Variants in COL11A2 observed in about 807,000 individuals in gnomAD.
The protein encoded by COL11A2 is collagen alpha-2(XI) chain.
In COL11A2, 116 loss-of-function variants were observed where a neutral mutation model predicts 273.4. The observed-to-expected ratio is 0.42, with a 90% CI of 0.36 to 0.49. The LOEUF (loss-of-function observed/expected upper bound fraction) is 0.49. COL11A2 is among the 20% of genes least tolerant of loss of function. The pLI is 0.00. For missense variants in COL11A2, 1,866 were observed against 2,309.0 expected (o/e 0.81, Z 3.93); for synonymous variants, 782 against 864.2 (o/e 0.90, Z 1.67).
chr6:33,188,483 G>T lies in COL11A2; in HGVS notation c.485C>A (p.Thr162Asn). ...VAVAVKGQSVTLIVDCKKRVT... is the reference protein window; with the variant it reads ...VAVAVKGQSVNLIVDCKKRVT... ...TCGCTTCTTGCAGTCAACAATGAGG[G>T]TGACAGACTGGCCCTTCACAGCCAC... is the stretch of plus-strand genomic sequence containing the variant. The change falls in exon 4 of 66, where the codon ACC (threonine) becomes AAC (asparagine). Residue 162 changes from threonine to asparagine, a missense_variant. Thr to Asn is a moderately conservative substitution (Grantham distance 65, BLOSUM62 0). Transcript: ENST00000341947. 1 of 1,613,076 alleles carries T rather than the reference G, an allele frequency of 6.2e-7. No individual in the cohort carries two copies.
At position 33,190,228 on chromosome 6, in the gene COL11A2, G is replaced by A. The variant is rs1175925468; in HGVS notation, c.83-759C>T. Among the ~76,000 whole-genome samples the A allele has an allele frequency of 6.6e-6, 1 of 152,032 alleles. No individual in the cohort carries two copies. The highest frequency in any genetic ancestry group is 1.5e-5 in the Non-Finnish European group (1 of 67,992). ...GGAGGAATGGGGGGCAGGGGCTGAA[G>A]CTGCCACGAGGAGCCGGAACAGGTC... On this transcript the variant is annotated intron_variant, in intron 1 of 65. Transcript: ENST00000341947. The surrounding 1 kb of genome is among the most constrained non-coding windows in gnomAD (Gnocchi z 4.5).
intron 7 of COL11A2, 23 bp downstream of exon 7, chr6:33,184,969 G>A (rs1402886787): frequency 1.3e-6 from 2 of 1,548,076 alleles, no homozygotes; most frequent in Admixed American, 2.0e-5. Flanking sequence ...CCCAGATGGG[G>A]TGAGGGTGGG....
intron 4 of COL11A2, among the ~76,000 whole-genome samples, chr6:33,187,370 A>G (rs886185048): frequency 6.6e-6 from 1 of 152,094 alleles, no homozygotes; most frequent in Non-Finnish European, 1.5e-5. Flanking sequence ...TAATTTAGGG[A>G]TGTTGTCTCA....
chr6:33,186,462 T>C, intron 5 of COL11A2, 165 bp downstream of exon 5: 2 of 1,459,574 alleles, frequency 1.4e-6, no homozygotes, highest in Non-Finnish European at 1.8e-6. Flanking sequence ...TAACAACTCT[T>C]TTTATTTTTA....
At position 33,177,751 on chromosome 6, in the gene COL11A2, G is replaced by A. The variant is rs865998209; in HGVS notation, c.1873-45C>T. ...TGAGCAGCCTGAAGGTGGCCCGGAG[G>A]GACCTGTGGTTTTCAGAGGCCCGGC... On this transcript the variant is annotated intron_variant, in intron 21 of 65. Coordinates refer to ENST00000341947, the MANE Select transcript of COL11A2 (RefSeq NM_080680.3). The surrounding 1 kb of genome is among the most constrained non-coding windows in gnomAD (Gnocchi z 5.9). 1 of 1,610,994 alleles carries A rather than the reference G, an allele frequency of 6.2e-7. No homozygotes were observed. The highest frequency in any genetic ancestry group is 8.5e-7 in the Non-Finnish European group (1 of 1,178,466).
Position 33,163,852 on chromosome 6 carries a change from G to C in COL11A2, c.5071-34C>G. On this transcript the variant is annotated intron_variant, in intron 65 of 65. Coordinates refer to ENST00000341947, the MANE Select transcript of COL11A2 (RefSeq NM_080680.3). The surrounding 1 kb of genome is among the most constrained non-coding windows in gnomAD (Gnocchi z 4.1). Reference sequence around the variant, plus strand: ...GGAGACAAGGAAGAAAGTGTGAGCAGGATGGAGGCACCCCCCACCCTCTAA... The same window carrying C: ...GGAGACAAGGAAGAAAGTGTGAGCACGATGGAGGCACCCCCCACCCTCTAA... 1 of 1,612,822 alleles carries C rather than the reference G, an allele frequency of 6.2e-7. No individual in the cohort carries two copies. Among genetic ancestry groups the C allele is most frequent in the South Asian group, 1.1e-5 (1 of 91,062 alleles).
At position 33,167,572 on chromosome 6, in the gene COL11A2, G is replaced by A; in HGVS notation, c.4015-39C>T. 1 of 1,608,286 alleles carries A rather than the reference G, an allele frequency of 6.2e-7. No homozygotes were observed. The highest frequency in any genetic ancestry group is 2.2e-5 in the East Asian group (1 of 44,720). On this transcript the variant is annotated intron_variant, in intron 55 of 65. Transcript: ENST00000341947. This position sits in a 1 kb window ranked among gnomAD's most constrained non-coding sequence, Gnocchi z 6.1. ...AAGGAATGTGTCCTGAATGGCAGAGGAGTGGGGTGTGGGCAGGGGGCAGAG... is the reference window on the plus strand; with the variant it reads ...AAGGAATGTGTCCTGAATGGCAGAGAAGTGGGGTGTGGGCAGGGGGCAGAG...
Position 33,169,007 on chromosome 6 carries a change from C to G in COL11A2, c.3800G>C (p.Gly1267Ala). 1 of 1,607,434 alleles carries G rather than the reference C, an allele frequency of 6.2e-7. No individual in the cohort carries two copies. Among genetic ancestry groups the G allele is most frequent in the Non-Finnish European group, 8.5e-7 (1 of 1,177,214 alleles). ...TGDDGPKGNP[G>A]PVGFPGDPGP... ...AGGGTCACCAGGAAAACCAACAGGA[C>G]CCTGATCCAGATGGAGAATAAGAGT... is the stretch of plus-strand genomic sequence containing the variant. The change falls in exon 52 of 66, where the codon GGT (glycine) becomes GCT (alanine). Residue 1267 changes from glycine to alanine, a missense_variant and splice_region_variant. Coordinates refer to ENST00000341947, the MANE Select transcript of COL11A2 (RefSeq NM_080680.3). The surrounding 1 kb of genome is among the most constrained non-coding windows in gnomAD (Gnocchi z 5.5).
rs1337293103 is a variant in COL11A2 at position 33,171,729 on chromosome 6, C to T, written c.3134G>A (p.Gly1045Glu). The T allele has an allele frequency of 9.3e-6, 15 of 1,612,816 alleles. No individual in the cohort carries two copies. Among genetic ancestry groups the T allele is most frequent in the Admixed American group, 1.7e-5 (1 of 60,004 alleles). Residue 1045 changes from glycine (G) to glutamate (E), a missense_variant, in exon 42 of 66, where the codon GGA becomes GAA. Gly to Glu is a moderately conservative substitution (Grantham distance 98). Coordinates refer to ENST00000341947, the MANE Select transcript of COL11A2 (RefSeq NM_080680.3). ...PGPQGPPGAA[G>E]EKGVPGEKGP... is the part of the protein sequence containing the mutation. ...CACACTCACTGGGACACCTTTCTCT[C>T]CTGCTGCTCCAGGGGGACCCTGCGG...
At chr6:33,168,684 G>T in intron 53 of COL11A2, 22 bp downstream of exon 53, 1 of 1,589,572 alleles carries the variant, frequency 6.3e-7, no homozygotes. Context: ...TCAGGGGGGT[G>T]GTGGGGTCAC....
chr6:33,183,409 C>T (rs1488238482), intron 8 of COL11A2, among the ~76,000 whole-genome samples: 2 of 152,146 alleles, frequency 1.3e-5, no homozygotes, highest in Non-Finnish European at 2.9e-5. Flanking sequence ...GTGACTCCTG[C>T]AAAGGGAATC....
In COL11A2 at chr6:33,184,217, G is replaced by A; in HGVS notation, c.1047C>T (p.Gly349=). ...PPEGPYDYTY[G]YGDDYREETE... ...TCTCCTCACGATAATCATCCCCATA[G>A]CCATAGGTGTAATCGTAGGGCCCTT... Residue 349 remains glycine (G), a synonymous_variant, in exon 8 of 66, where the codon GGC becomes GGT. Transcript: ENST00000341947. 1 of 1,367,600 alleles carries A rather than the reference G, an allele frequency of 7.3e-7. No homozygotes were observed. Among genetic ancestry groups the A allele is most frequent in the Non-Finnish European group, 9.8e-7 (1 of 1,021,968 alleles). 84.7% of individuals were successfully genotyped at this position (1,367,600 alleles called of 1,614,324 possible). A position where few individuals can be genotyped will look rare whatever the true frequency, so the allele number is the denominator to read the frequency against.
Position 33,163,942 on chromosome 6 carries a change from A to T in COL11A2, c.5071-124T>A, listed in dbSNP as rs1768707649. The stretch of plus-strand genomic sequence containing the variant: ...CCCATCAGGGTGACTCAGGATGTAC[A>T]GACTGGCAGTGTCTATGTGCCCATG... On this transcript the variant is annotated intron_variant, in intron 65 of 65. Coordinates refer to ENST00000341947, the MANE Select transcript of COL11A2 (RefSeq NM_080680.3). This position sits in a 1 kb window ranked among gnomAD's most constrained non-coding sequence, Gnocchi z 4.1. The T allele has an allele frequency of 1.6e-5, 23 of 1,430,164 alleles. No homozygotes were observed. In the South Asian group the frequency reaches 2.7e-4, roughly 17 times the overall value. 88.6% of individuals were successfully genotyped at this position (1,430,164 alleles called of 1,614,324 possible). A position where few individuals can be genotyped will look rare whatever the true frequency, so the allele number is the denominator to read the frequency against.
At chr6:33,168,833 A>C (rs1769594693) in intron 52 of COL11A2, 74 bp from the exon 53 acceptor site, 2 of 1,604,356 alleles carry the variant, frequency 1.2e-6, no homozygotes, top group Admixed American at 1.7e-5. Context: ...TCAATACCCC[A>C]TCCCCTTGCC....
rs770084589 is a variant in COL11A2, at chr6:33,178,119, G to A, written c.1872+13C>T. On this transcript the variant is annotated intron_variant, in intron 21 of 65. Transcript: ENST00000341947. This position sits in a 1 kb window ranked among gnomAD's most constrained non-coding sequence, Gnocchi z 4.6. The stretch of plus-strand genomic sequence containing the variant: ...GGGGTCACCTCAGGGTCAGAAGTCA[G>A]GGAGTCACTTACAGGGGGTCCAGGA... The A allele has an allele frequency of 1.2e-6, 2 of 1,606,256 alleles. No individual in the cohort carries two copies. The highest frequency in any genetic ancestry group is 1.7e-6 in the Non-Finnish European group (2 of 1,175,690).
chr6:33,178,651 T>G lies in COL11A2; in HGVS notation c.1719+28A>C. 1 of 1,612,200 alleles carries G rather than the reference T, an allele frequency of 6.2e-7. No individual in the cohort carries two copies. The highest frequency in any genetic ancestry group is 8.5e-7 in the Non-Finnish European group (1 of 1,179,566). On this transcript the variant is annotated intron_variant, in intron 18 of 65. Coordinates refer to ENST00000341947, the MANE Select transcript of COL11A2 (RefSeq NM_080680.3). This position sits in a 1 kb window ranked among gnomAD's most constrained non-coding sequence, Gnocchi z 4.6. ...CTCCCATAGAAGATCTATCCCCAAT[T>G]ACAACACACACCCACTAATGTACTC...
chr6:33,192,368 G>T lies in COL11A2; in HGVS notation c.-128C>A. The T allele has an allele frequency of 1.1e-6, 1 of 920,920 alleles. No homozygotes were observed. The highest frequency in any genetic ancestry group is 1.4e-5 in the South Asian group (1 of 71,162). The allele number at this position is 920,920 out of a possible 1,614,324, so 57.0% of individuals were successfully genotyped here. A position where few individuals can be genotyped will look rare whatever the true frequency, so the allele number is the denominator to read the frequency against. On this transcript the variant is annotated 5_prime_UTR_variant, in exon 1 of 66. Transcript: ENST00000341947. ...CGCCGGGGTCCCAGGGAGGTCAGAG[G>T]CTGCGGGCAGCGACAGCTGTCAGCG...
In COL11A2 at chr6:33,179,348, C is replaced by T; in HGVS notation, c.1504-64G>A. On this transcript the variant is annotated intron_variant, in intron 14 of 65. Coordinates refer to ENST00000341947, the MANE Select transcript of COL11A2 (RefSeq NM_080680.3). The surrounding 1 kb of genome is among the most constrained non-coding windows in gnomAD (Gnocchi z 6.4). ...CAGCCAACAGTGGCCTCGGAGTGTT[C>T]CCCAAAAGAAGCCCCTTTCCAGAAC... 1.9e-6 allele frequency: 3 copies of T among 1,581,480 alleles called. No homozygotes were observed. Among genetic ancestry groups the T allele is most frequent in the Non-Finnish European group, 2.6e-6 (3 of 1,164,266 alleles).
Position 33,172,512 on chromosome 6 carries a change from G to C in COL11A2, c.2898+18C>G. 1 of 1,607,136 alleles carries C rather than the reference G, an allele frequency of 6.2e-7. No individual in the cohort carries two copies. Among genetic ancestry groups the C allele is most frequent in the Non-Finnish European group, 8.5e-7 (1 of 1,175,252 alleles). The stretch of plus-strand genomic sequence containing the variant: ...TCCCCAGCTCCCCCACTTCCCCTCT[G>C]CCTGGCCCCTCACTGACCTTTGTTC... On this transcript the variant is annotated intron_variant, in intron 39 of 65. Coordinates refer to ENST00000341947, the MANE Select transcript of COL11A2 (RefSeq NM_080680.3).
Sources: gnomAD v4.1 joint callset for allele counts (sites outside exome capture counted in the v4.1 genomes callset) on GRCh38, gnomAD v4.1.1 for gene constraint, Gnocchi (gnomAD v3.1) non-coding constraint, MANE v1.5 for transcripts, NCBI Gene and HGNC (gene_info 2026-07-23, HGNC 2026-07-21) for gene names.